Variants in PTPRG observed in about 807,000 individuals in gnomAD.
PTPRG encodes receptor-type tyrosine-protein phosphatase gamma.
PTPRG carries 102 observed loss-of-function variants against 165.3 expected under a neutral mutation model. The ratio of observed to expected loss-of-function variants is 0.62; its 90% confidence interval spans 0.53 to 0.73. PTPRG has a LOEUF of 0.73. PTPRG is among the 30% of genes least tolerant of loss of function. The pLI, the probability that PTPRG is intolerant of heterozygous loss-of-function variation, is 0.00. For synonymous variants in PTPRG, 675 were observed against 669.5 expected, an observed-to-expected ratio of 1.01 and a Z score of -0.13; for missense variants, 1,866 against 1,861.4, an observed-to-expected ratio of 1.00 and a Z score of -0.05.
At chr3:61,702,594 G>T (rs544593377) in intron 1 of PTPRG, among the ~76,000 whole-genome samples, 1 of 152,196 alleles carries the variant, frequency 6.6e-6, no homozygotes, top group African/African-American at 2.4e-5. Context: ...GTTTCTATAG[G>T]TGTGTTACTG....
At position 61,585,443 on chromosome 3, in the gene PTPRG, C is replaced by T. The variant is rs191728778; in HGVS notation, c.85+23071C>T. Among the ~76,000 whole-genome samples, 3 of 151,902 alleles carry T rather than the reference C, an allele frequency of 2.0e-5. No homozygotes were observed. In the East Asian group the frequency reaches 5.9e-4, roughly 30 times the overall value. On this transcript the variant is annotated intron_variant, in intron 1 of 29. Transcript: ENST00000474889. ...ATAGCCATTGGGTGGGTTGTTGATTCATTCTAAAAAACAATATTAGAGGCT... is the reference window on the plus strand; with the variant it reads ...ATAGCCATTGGGTGGGTTGTTGATTTATTCTAAAAAACAATATTAGAGGCT...
intron 2 of PTPRG, among the ~76,000 whole-genome samples, chr3:61,828,544 A>C (rs1258507336): frequency 1.3e-5 from 2 of 152,254 alleles, no homozygotes; most frequent in Non-Finnish European, 2.9e-5. Context: ...ATAGGTAGAA[A>C]GTGAATGCAT....
intron 1 of PTPRG, among the ~76,000 whole-genome samples, chr3:61,621,318 T>C (rs957932727): frequency 6.6e-6 from 1 of 152,128 alleles, no homozygotes. Context: ...CCTTCCATCC[T>C]GCAGGGATCT....
intron 2 of PTPRG, among the ~76,000 whole-genome samples, chr3:61,942,346 G>T (rs2039651963): frequency 6.6e-6 from 1 of 152,186 alleles, no homozygotes; most frequent in Non-Finnish European, 1.5e-5. Context: ...CCAAACAGCA[G>T]AGTTAAGAGG....
chr3:62,098,190 C>A (rs1702179170), intron 5 of PTPRG, among the ~76,000 whole-genome samples: 1 of 151,802 alleles, frequency 6.6e-6, no homozygotes, highest in African/African-American at 2.4e-5. Context: ...CCAGTACAAG[C>A]CCTCCATATC....
At chr3:61,891,951 G>T (rs559330971) in intron 2 of PTPRG, among the ~76,000 whole-genome samples, 4 of 151,208 alleles carry the variant, frequency 2.6e-5, no homozygotes, top group African/African-American at 9.7e-5. Flanking sequence ...TGCATTTTCA[G>T]TAAATAAATT....
chr3:61,866,087 C>A, intron 2 of PTPRG, among the ~76,000 whole-genome samples: 1 of 152,108 alleles, frequency 6.6e-6, no homozygotes, highest in Non-Finnish European at 1.5e-5. Context: ...ATAATTGAAC[C>A]AGGGAACTCC....
intron 5 of PTPRG, among the ~76,000 whole-genome samples, chr3:62,082,778 C>T (rs1421597566): frequency 1.3e-5 from 2 of 152,210 alleles, no homozygotes; most frequent in Non-Finnish European, 1.5e-5. Context: ...GAAGAACAAC[C>T]TCCATGTGTG....
chr3:61,934,986 G>T (rs906870867), intron 2 of PTPRG, among the ~76,000 whole-genome samples: 2 of 152,128 alleles, frequency 1.3e-5, no homozygotes, highest in Non-Finnish European at 2.9e-5. Flanking sequence ...CTTGAGTGCG[G>T]AGTTCCCAAC....
intron 1 of PTPRG, among the ~76,000 whole-genome samples, chr3:61,717,656 G>A (rs757597847): frequency 1.1e-4 from 16 of 152,142 alleles, no homozygotes; most frequent in Admixed American, 3.3e-4. Flanking sequence ...GGGCGTGGTG[G>A]TTTGTGCCTA....
rs373682209 is a variant in PTPRG, at chr3:61,603,812, A to G, written c.85+41440A>G. The stretch of plus-strand genomic sequence containing the variant: ...TGCCTCCATCTTCACATGGCACTCT[A>G]CCTGTGTCTGTGTTTTCACATGCTC... On this transcript the variant is annotated intron_variant, in intron 1 of 29. Transcript: ENST00000474889. Among the ~76,000 whole-genome samples the G allele has an allele frequency of 9.5e-4, 145 of 152,020 alleles. 4 individuals are homozygous for G. The South Asian group carries it at 0.029, about 30-fold the overall frequency.
At chr3:61,792,331 C>T (rs999012707) in intron 2 of PTPRG, among the ~76,000 whole-genome samples, 2 of 151,990 alleles carry the variant, frequency 1.3e-5, no homozygotes, top group Non-Finnish European at 2.9e-5. Flanking sequence ...TCCACAGGCA[C>T]CCACCCCCGT....
intron 4 of PTPRG, among the ~76,000 whole-genome samples, chr3:62,047,090 G>T (rs1010418482): frequency 6.6e-6 from 1 of 152,090 alleles, no homozygotes; most frequent in African/African-American, 2.4e-5. Context: ...AAGTTTGCAA[G>T]CTTCATTTCA....
At chr3:62,109,325 T>C (rs1024070684) in intron 5 of PTPRG, among the ~76,000 whole-genome samples, 2 of 152,220 alleles carry the variant, frequency 1.3e-5, no homozygotes, top group African/African-American at 4.8e-5. Context: ...TGCTTGTGTG[T>C]GTCAGGTTTG....
intron 6 of PTPRG, among the ~76,000 whole-genome samples, chr3:62,141,071 C>G (rs1703909468): frequency 1.3e-5 from 2 of 151,930 alleles, no homozygotes; most frequent in Non-Finnish European, 2.9e-5. Flanking sequence ...ATTAATTTCC[C>G]AAATATATTG....
rs1422619781 is a variant in PTPRG at position 62,243,838 on chromosome 3, G to T, written c.2407G>T (p.Glu803Ter). ...TTTTCAGACTGCTCATTTCTATGTG[G>T]AAGACAGCAGTTCACCTCGAGTGGT... ...KCFQTAHFYVEDSSSPRVVPN... is the reference protein window; with the variant it reads ...KCFQTAHFYV Residue 803 changes from glutamate (E) to a stop codon, truncating the protein, a stop_gained, in exon 15 of 30, where the codon GAA becomes TAA. Transcript: ENST00000474889. LOFTEE classifies it high-confidence loss of function. 6.3e-7 allele frequency: 1 copy of T among 1,595,696 alleles called. No individual in the cohort carries two copies. Among genetic ancestry groups the T allele is most frequent in the Non-Finnish European group, 8.6e-7 (1 of 1,164,086 alleles).
chr3:61,747,637 TA>T (rs1361131429), intron 1 of PTPRG, among the ~76,000 whole-genome samples: 2 of 117,898 alleles, frequency 1.7e-5, no homozygotes, highest in Middle Eastern at 8.5e-3. Context: ...ACAGGTTTCT[TA>T]ATTTTTTTTA....
chr3:61,836,234 T>G (rs1018168434), intron 2 of PTPRG, among the ~76,000 whole-genome samples: 6 of 152,306 alleles, frequency 3.9e-5, no homozygotes, highest in Non-Finnish European at 7.3e-5. Flanking sequence ...TGTTCTTTGT[T>G]TAGGCCTTTG....
intron 4 of PTPRG, among the ~76,000 whole-genome samples, chr3:62,019,092 C>T (rs910714087): frequency 2.0e-5 from 3 of 152,208 alleles, no homozygotes; most frequent in African/African-American, 4.8e-5. Flanking sequence ...CCCAGGCTAA[C>T]AGCAGGAGCT....
Sources: gnomAD v4.1 joint callset for allele counts (sites outside exome capture counted in the v4.1 genomes callset) on GRCh38, gnomAD v4.1.1 for gene constraint, MANE v1.5 for transcripts, NCBI Gene and HGNC (gene_info 2026-07-23, HGNC 2026-07-21) for gene names.